GIGYF2: variants seen among roughly 807,000 people sequenced by gnomAD.
GIGYF2 encodes GRB10-interacting GYF protein 2.
In GIGYF2, 25 loss-of-function variants were observed where a neutral mutation model predicts 208.1. That is an observed-to-expected ratio of 0.12 (90% CI 0.09 to 0.17). The LOEUF (loss-of-function observed/expected upper bound fraction) is 0.17. GIGYF2 is among the 10% of genes least tolerant of loss of function. The pLI, the probability that GIGYF2 is intolerant of heterozygous loss-of-function variation, is 1.00. For missense variants in GIGYF2, 1,302 were observed against 1,579.4 expected, an observed-to-expected ratio of 0.82 and a Z score of 2.98; for synonymous variants, 534 against 543.8, an observed-to-expected ratio of 0.98 and a Z score of 0.25.
At chr2:232,746,735 A>T (rs920885379) in intron 3 of GIGYF2, among the ~76,000 whole-genome samples, 2 of 152,048 alleles carry the variant, frequency 1.3e-5, no homozygotes, top group Admixed American at 6.6e-5. Context: ...TTCTCTTTGT[A>T]CTTTACTGCA....
At position 232,836,340 on chromosome 2, in the gene GIGYF2, ACT is replaced by A. The variant is rs1411228037; in HGVS notation, c.2766+3248_2766+3249del. ...TATATATATATATATACATATATAT[ACT>A]TATATATTTATATATATAAATATAA... On this transcript the variant is annotated intron_variant, in intron 22 of 28. Coordinates refer to ENST00000373563, the MANE Select transcript of GIGYF2 (RefSeq NM_001103146.3). 4.1e-4 allele frequency among the ~76,000 whole-genome samples: 16 copies of A among 39,434 alleles called. 1 individual carries two copies. Among genetic ancestry groups the A allele is most frequent in the African/African-American group, 6.6e-4 (7 of 10,652 alleles). The allele number at this position is 39,434 out of a possible 152,430, so 25.9% of individuals were successfully genotyped here.
intron 12 of GIGYF2, among the ~76,000 whole-genome samples, chr2:232,791,738 T>G (rs1256440455): frequency 6.6e-6 from 1 of 152,184 alleles, no homozygotes; most frequent in African/African-American, 2.4e-5. Context: ...TCATAGCCTT[T>G]GCATTAGTTT....
chr2:232,776,534 C>A, intron 8 of GIGYF2: 1 of 967,464 alleles, frequency 1.0e-6, no homozygotes, highest in Non-Finnish European at 1.6e-6. Context: ...TTTTAATCTA[C>A]AAGTCTAGTT....
chr2:232,731,857 CTTG>C (rs2106290648), intron 2 of GIGYF2, among the ~76,000 whole-genome samples: 1 of 149,842 alleles, frequency 6.7e-6, no homozygotes, highest in Non-Finnish European at 1.5e-5. Context: ...ACAGGCTTTT[CTTG>C]TTAGAATTAT....
intron 2 of GIGYF2, among the ~76,000 whole-genome samples, chr2:232,720,589 G>T (rs6755070): frequency 0.31 from 41,548 of 134,844 alleles, 6,293 homozygotes; most frequent in South Asian, 0.58. Flanking sequence ...ATATATTTTT[G>T]TTTGTTTGTT....
chr2:232,807,195 TA>T (rs1469330715), intron 15 of GIGYF2, among the ~76,000 whole-genome samples: 1 of 152,118 alleles, frequency 6.6e-6, no homozygotes, highest in African/African-American at 2.4e-5. Context: ...TTTTAGGGCT[TA>T]AAAAAATTAG....
chr2:232,813,335 G>A (rs1164932200), intron 18 of GIGYF2, among the ~76,000 whole-genome samples: 13 of 106,618 alleles, frequency 1.2e-4, no homozygotes, highest in African/African-American at 2.7e-4. Context: ...GATTAATTAC[G>A]CTATCACACC....
intron 21 of GIGYF2, among the ~76,000 whole-genome samples, chr2:232,821,867 T>G (rs74604719): frequency 6.6e-6 from 1 of 152,058 alleles, no homozygotes; most frequent in African/African-American, 2.4e-5. Flanking sequence ...GTTGTTCCAG[T>G]GCCTGTTTTT....
intron 21 of GIGYF2, among the ~76,000 whole-genome samples, chr2:232,822,475 G>A (rs1030923201): frequency 1.3e-5 from 2 of 152,246 alleles, no homozygotes; most frequent in Non-Finnish European, 1.5e-5. Flanking sequence ...GAAGTCAGGA[G>A]TTCGAGACCA....
chr2:232,794,932 A>G lies in GIGYF2; in HGVS notation c.1467A>G (p.Lys489=), dbSNP rs747923882. 6 of 1,612,822 alleles carry G rather than the reference A, an allele frequency of 3.7e-6. No individual in the cohort carries two copies. The Admixed American group carries it at 1.0e-4, about 27-fold the overall frequency. The change falls in exon 13 of 29, where the codon AAA becomes AAG. Residue 489 remains lysine (K), a synonymous_variant. Transcript: ENST00000373563. Reference sequence around the variant, plus strand: ...AACCTGATGATGAAGAAGGTCTCAAACATTTGGAGCAGGTAAAAATCCTGT... The same window carrying G: ...AACCTGATGATGAAGAAGGTCTCAAGCATTTGGAGCAGGTAAAAATCCTGT... ...STEPDDEEGL[K]HLEQQAEKMV... is the part of the protein sequence containing the mutation.
chr2:232,776,551 T>G, intron 8 of GIGYF2: 1 of 856,112 alleles, frequency 1.2e-6, no homozygotes, highest in Non-Finnish European at 2.0e-6. Context: ...AGTTTGTAGG[T>G]TCTCTTCTTG....
chr2:232,743,670 T>C (rs191955989), intron 3 of GIGYF2, among the ~76,000 whole-genome samples: 3 of 152,332 alleles, frequency 2.0e-5, no homozygotes, highest in African/African-American at 7.2e-5. Flanking sequence ...GTTTTAGCTT[T>C]TCTAAGTATC....
At chr2:232,818,433 G>C (rs572164520) in intron 20 of GIGYF2, among the ~76,000 whole-genome samples, 1 of 152,260 alleles carries the variant, frequency 6.6e-6, no homozygotes, top group East Asian at 1.9e-4. Flanking sequence ...CAATAATTTT[G>C]AATGTAATGA....
Position 232,776,821 on chromosome 2 carries a change from C to G in GIGYF2, c.533-10329C>G, listed in dbSNP as rs771950251. 43 of 197,042 alleles carry G rather than the reference C, an allele frequency of 2.2e-4. No individual in the cohort carries two copies. In the Admixed American group the frequency reaches 2.5e-3, roughly 11 times the overall value. 12.2% of individuals were successfully genotyped at this position (197,042 alleles called of 1,614,324 possible). On this transcript the variant is annotated intron_variant, in intron 8 of 28. Coordinates refer to ENST00000373563, the MANE Select transcript of GIGYF2 (RefSeq NM_001103146.3). ...CCGGTCTTTAGTAAGTTTGCATAAT[C>G]TTACTTAAGAGTTTTTTTGAAAGTT...
At chr2:232,773,469 A>G (rs1446645153) in intron 8 of GIGYF2, among the ~76,000 whole-genome samples, 3 of 151,508 alleles carry the variant, frequency 2.0e-5, no homozygotes, top group African/African-American at 7.3e-5. Context: ...AAAGCCAGTT[A>G]ATTTTTTTTT....
chr2:232,753,016 A>G (rs1698391892), intron 5 of GIGYF2, among the ~76,000 whole-genome samples: 2 of 152,088 alleles, frequency 1.3e-5, no homozygotes, highest in Admixed American at 1.3e-4. Context: ...GTCTACAACT[A>G]TCTGTATATT....
rs146218910 is a variant in GIGYF2 at position 232,782,024 on chromosome 2, A to G, written c.533-5126A>G. On this transcript the variant is annotated intron_variant, in intron 8 of 28. Transcript: ENST00000373563. ...CACATTTTGCCAACTGAATAAGGTT[A>G]TTTATTTACATGTGTGTCCATGGAC... Among the ~76,000 whole-genome samples, 1,325 of 152,232 alleles carry G rather than the reference A, an allele frequency of 8.7e-3. 35 individuals carry two copies. Among genetic ancestry groups the G allele is most frequent in the Admixed American group, 0.054 (830 of 15,276 alleles).
chr2:232,836,831 G>C (rs1205546640), intron 22 of GIGYF2, among the ~76,000 whole-genome samples: 1 of 152,056 alleles, frequency 6.6e-6, no homozygotes, highest in Non-Finnish European at 1.5e-5. Flanking sequence ...AACACCATTA[G>C]GCTTGAACTC....
intron 21 of GIGYF2, among the ~76,000 whole-genome samples, chr2:232,828,305 C>A (rs1314063936): frequency 6.6e-6 from 1 of 151,940 alleles, no homozygotes; most frequent in South Asian, 2.1e-4. Context: ...ATATTTAGTT[C>A]TAACTTAATT....
Sources: allele counts gnomAD v4.1 joint callset (sites outside exome capture counted in the v4.1 genomes callset), GRCh38; gene constraint gnomAD v4.1.1; transcripts MANE v1.5; gene names NCBI Gene and HGNC (gene_info 2026-07-23, HGNC 2026-07-21).